METTL6: variants seen among roughly 807,000 people sequenced by gnomAD.
METTL6 encodes methyltransferase 6, tRNA N3-cytidine, also known as tRNA N(3)-cytidine methyltransferase METTL6.
Under a neutral mutation model 26.4 loss-of-function variants are expected in METTL6, and 22 were observed. The ratio of observed to expected loss-of-function variants is 0.83; its 90% CI spans 0.59 to 1.19. METTL6 has a LOEUF of 1.19. Ranked by LOEUF, METTL6 falls within the 50% of genes most tolerant of loss-of-function variation. METTL6 has a pLI of 0.00. For missense variants in METTL6, 304 were observed against 324.8 expected (o/e 0.94, Z 0.49); for synonymous variants, 109 against 116.2 (o/e 0.94, Z 0.40).
At position 15,390,386 on chromosome 3, in the gene METTL6, C is replaced by T. The variant is rs376312860; in HGVS notation, c.*12-6199G>A. Reference sequence around the variant, plus strand: ...GAGGTTGCAGTGAGCCAAGATCATGCCACTGCACTCCAGCCTGGGTGACAG... The same window carrying T: ...GAGGTTGCAGTGAGCCAAGATCATGTCACTGCACTCCAGCCTGGGTGACAG... On this transcript the variant is annotated intron_variant, in intron 6 of 6. Coordinates refer to the METTL6 transcript ENST00000443029. 2.4e-4 allele frequency among the ~76,000 whole-genome samples: 36 copies of T among 152,230 alleles called. 3 individuals carry two copies. Among genetic ancestry groups the T allele is most frequent in the Admixed American group, 1.2e-3 (18 of 15,292 alleles).
chr3:15,418,313 T>C (rs372032987), intron 3 of METTL6, among the ~76,000 whole-genome samples: 2 of 152,052 alleles, frequency 1.3e-5, no homozygotes, highest in African/African-American at 2.4e-5. Context: ...ACAGACAACA[T>C]GCAAAATCAG....
At chr3:15,388,707 A>T (rs1699262924) in intron 6 of METTL6, among the ~76,000 whole-genome samples, 1 of 152,192 alleles carries the variant, frequency 6.6e-6, no homozygotes, top group South Asian at 2.1e-4. Flanking sequence ...CATAATTTCT[A>T]ATCTTGTGGC....
chr3:15,427,576 A>G (rs764049403), upstream of METTL6: 16 of 568,074 alleles, frequency 2.8e-5, no homozygotes, highest in African/African-American at 9.8e-5. Flanking sequence ...CGGAAGTCCC[A>G]CGGCCTTGCC....
At chr3:15,409,332 T>G (rs1699884975), downstream of METTL6, among the ~76,000 whole-genome samples, 1 of 152,178 alleles carries the variant, frequency 6.6e-6, no homozygotes, top group South Asian at 2.1e-4. Context: ...AACAGCTTTC[T>G]GCAGAAAGGC....
chr3:15,415,355 CTA>C, intron 4 of METTL6: 1 of 721,896 alleles, frequency 1.4e-6, no homozygotes, highest in South Asian at 1.8e-5. Context: ...CAAGGTCTTG[CTA>C]TGTTGGCCAG....
At chr3:15,409,135 A>C (rs1268608405), downstream of METTL6, among the ~76,000 whole-genome samples, 1 of 152,174 alleles carries the variant, frequency 6.6e-6, no homozygotes, top group Non-Finnish European at 1.5e-5. Context: ...CAGCACGCAC[A>C]GTGTGAGCCC....
rs575540695 is a variant in METTL6, at chr3:15,388,474, G to A, written c.*12-4287C>T. Among the ~76,000 whole-genome samples the A allele has an allele frequency of 3.2e-3, 487 of 152,284 alleles. 3 individuals carry two copies. Among genetic ancestry groups the A allele is most frequent in the Non-Finnish European group, 4.0e-3 (272 of 68,018 alleles). ...GGAAAGCCAGTGAACCAGGAGTGCT[G>A]ATTGATCAGGTCAGAGATAAAATCA... On this transcript the variant is annotated intron_variant, in intron 6 of 6. Transcript: ENST00000443029.
At chr3:15,405,487 T>C (rs557583661), downstream of METTL6, among the ~76,000 whole-genome samples, 1 of 152,222 alleles carries the variant, frequency 6.6e-6, no homozygotes, top group African/African-American at 2.4e-5. Flanking sequence ...ATGGGATTGA[T>C]CTTATGAGCT....
rs148198741 is a variant in METTL6, at chr3:15,410,452, A to C, written c.*804T>G. 2.3e-3 allele frequency among the ~76,000 whole-genome samples: 344 copies of C among 152,226 alleles called. 2 individuals are homozygous for C. The highest frequency in any genetic ancestry group is 7.3e-3 in the African/African-American group (302 of 41,544). On this transcript the variant is annotated 3_prime_UTR_variant, in exon 6 of 6. Coordinates refer to ENST00000383790, the MANE Select transcript of METTL6 (RefSeq NM_152396.4). ...AACCTCCCACCCCAGCTGGGACTAC[A>C]GGCACATGCCACCACATTTGGCTAA...
At chr3:15,394,998 T>A (rs1406349899) in intron 6 of METTL6, among the ~76,000 whole-genome samples, 3 of 152,272 alleles carry the variant, frequency 2.0e-5, no homozygotes, top group African/African-American at 7.2e-5. Flanking sequence ...TGGAGAGTTC[T>A]GTAGATGTCT....
chr3:15,384,185 G>A, exon 7 of METTL6: 1 of 370,324 alleles, frequency 2.7e-6, no homozygotes, highest in South Asian at 1.9e-5. Context: ...TTTTGTTTGA[G>A]ACCTGAAAAA....
At chr3:15,397,503 G>C (rs1350035731) in intron 6 of METTL6, among the ~76,000 whole-genome samples, 1 of 152,116 alleles carries the variant, frequency 6.6e-6, no homozygotes, top group African/African-American at 2.4e-5. Flanking sequence ...TGCACCCACT[G>C]TCTGACAATC....
At chr3:15,388,171 C>T (rs934021158) in intron 6 of METTL6, among the ~76,000 whole-genome samples, 7 of 152,118 alleles carry the variant, frequency 4.6e-5, no homozygotes, top group South Asian at 2.1e-4. Flanking sequence ...AGTGCAATGG[C>T]GCAATCTCCA....
chr3:15,404,593 C>T lies in METTL6; in HGVS notation c.*11+6652G>A, dbSNP rs528835361. Among the ~76,000 whole-genome samples, 31 of 151,626 alleles carry T rather than the reference C, an allele frequency of 2.0e-4. No individual in the cohort carries two copies. In the East Asian group the frequency reaches 3.7e-3, roughly 18 times the overall value. On this transcript the variant is annotated intron_variant, in intron 6 of 6. Transcript: ENST00000443029. The stretch of plus-strand genomic sequence containing the variant: ...CTCGAACTCCTGACTTCAGGTGATC[C>T]GCCTGCCTCGGCCTCCCAAAGTGCT...
At chr3:15,413,846 A>T (rs754929179) in intron 5 of METTL6, 175 bp downstream of exon 5, 2 of 1,506,452 alleles carry the variant, frequency 1.3e-6, no homozygotes, top group Non-Finnish European at 1.8e-6. Flanking sequence ...CTTCAAGGGC[A>T]GGGGCCAGGT....
chr3:15,400,942 G>A (rs1699622803), intron 6 of METTL6, among the ~76,000 whole-genome samples: 1 of 152,122 alleles, frequency 6.6e-6, no homozygotes, highest in Admixed American at 6.6e-5. Flanking sequence ...GCTCACTGCA[G>A]CCTCAACCTA....
rs1182270521 is a variant in METTL6 at position 15,415,772 on chromosome 3, C to G, written c.531G>C (p.Lys177Asn). ...KMHLVLQNIY[K>N]VLKPGKSVLF... ...CAAGTGCAGGCCCCAAATCACTAAC[C>G]TTGTAAATGTTTTGTAAGACAAGGT... The change falls in exon 4 of 6, where the codon AAG (lysine) becomes AAC (asparagine). Residue 177 changes from lysine (K) to asparagine (N), a missense_variant and splice_region_variant. Lys to Asn is a moderately conservative substitution (Grantham distance 94). Coordinates refer to ENST00000383790, the MANE Select transcript of METTL6 (RefSeq NM_152396.4). The G allele has an allele frequency of 6.2e-7, 1 of 1,613,048 alleles. No homozygotes were observed. The highest frequency in any genetic ancestry group is 1.3e-5 in the African/African-American group (1 of 74,900).
chr3:15,397,479 G>A (rs139367563), intron 6 of METTL6, among the ~76,000 whole-genome samples: 18 of 152,232 alleles, frequency 1.2e-4, no homozygotes, highest in South Asian at 4.1e-4. Flanking sequence ...CTCAATGCAC[G>A]GCACACACTG....
At chr3:15,401,256 G>A (rs867264827) in intron 6 of METTL6, among the ~76,000 whole-genome samples, 2 of 152,004 alleles carry the variant, frequency 1.3e-5, no homozygotes, top group Non-Finnish European at 2.9e-5. Flanking sequence ...AGCCAGGATG[G>A]TCTCGATCTC....
Sources: gnomAD v4.1 joint callset for allele counts (sites outside exome capture counted in the v4.1 genomes callset) on GRCh38, gnomAD v4.1.1 for gene constraint, MANE v1.5 for transcripts, NCBI Gene and HGNC (gene_info 2026-07-23, HGNC 2026-07-21) for gene names.